Variants in CEP192 observed in about 807,000 individuals in gnomAD.
The protein encoded by CEP192 is centrosomal protein of 192 kDa.
In CEP192, 151 loss-of-function variants were observed where a neutral mutation model predicts 271.8. That is an observed-to-expected ratio of 0.56 (90% CI 0.49 to 0.64). The LOEUF is 0.64. Among genes scored for constraint, CEP192 ranks in the 30% least tolerant of loss-of-function variants. The pLI is 0.00. For missense variants in CEP192, 2,910 were observed against 3,020.5 expected (o/e 0.96, Z 0.86); for synonymous variants, 995 against 1,076.5 (o/e 0.92, Z 1.48).
At chr18:13,018,099 T>C (rs2034766938) in intron 7 of CEP192, among the ~76,000 whole-genome samples, 2 of 152,196 alleles carry the variant, frequency 1.3e-5, no homozygotes, top group Non-Finnish European at 2.9e-5. Context: ...CAAGCAGTGT[T>C]GTGTACTTCT....
intron 17 of CEP192, among the ~76,000 whole-genome samples, chr18:13,052,229 A>G (rs564065448): frequency 2.0e-5 from 3 of 152,308 alleles, no homozygotes; most frequent in Admixed American, 2.0e-4. Flanking sequence ...TTTTCATTTT[A>G]CGTTGTGTAG....
At chr18:13,099,634 C>A in intron 37 of CEP192, 53 bp downstream of exon 37, 2 of 869,738 alleles carry the variant, frequency 2.3e-6, no homozygotes, top group Non-Finnish European at 3.7e-6. Flanking sequence ...CTGTTTGTAG[C>A]TTCAGTTTTA....
At chr18:13,051,875 A>G (rs1247546323) in intron 17 of CEP192, among the ~76,000 whole-genome samples, 1 of 152,222 alleles carries the variant, frequency 6.6e-6, no homozygotes, top group Non-Finnish European at 1.5e-5. Flanking sequence ...CAGAATTCAA[A>G]TTTGAATTTT....
intron 40 of CEP192, 47 bp from the exon 41 acceptor site, chr18:13,113,539 T>C (rs2040300480): frequency 6.3e-7 from 1 of 1,577,938 alleles, no homozygotes; most frequent in Non-Finnish European, 8.7e-7. Flanking sequence ...GCTAACACTG[T>C]GTTTAATGAT....
intron 30 of CEP192, among the ~76,000 whole-genome samples, chr18:13,085,285 A>G (rs2038844960): frequency 6.6e-6 from 1 of 152,028 alleles, no homozygotes; most frequent in South Asian, 2.1e-4. Flanking sequence ...TAGATTCTGG[A>G]TATCAGCCCT....
chr18:13,072,800 A>G lies in CEP192; in HGVS notation c.5394A>G (p.Gln1798=), dbSNP rs1598514804. The change falls in exon 29 of 45, where the codon CAA becomes CAG. Residue 1798 remains glutamine, a synonymous_variant. Transcript: ENST00000506447. The part of the protein sequence containing the change: ...ALRNNSASTT[Q]HLRLLIRGQD... The stretch of plus-strand genomic sequence containing the variant: ...GAAATAATTCTGCATCTACAACTCA[A>G]CATTTACGACTGCTTATTAGAGGAC... 27 of 1,613,110 alleles carry G rather than the reference A, an allele frequency of 1.7e-5. 1 individual carries two copies. In the East Asian group the frequency reaches 6.0e-4, roughly 36 times the overall value.
intron 9 of CEP192, 102 bp downstream of exon 9, chr18:13,019,308 C>G (rs1568289038): frequency 3.0e-6 from 3 of 999,726 alleles, no homozygotes; most frequent in East Asian, 3.1e-5. Context: ...TAACTGTTGA[C>G]TTCTGAAAAA....
intron 19 of CEP192, among the ~76,000 whole-genome samples, chr18:13,057,325 C>T (rs566350511): frequency 3.5e-4 from 53 of 151,214 alleles, no homozygotes; most frequent in African/African-American, 1.2e-3. Context: ...CAGGCAGTAA[C>T]CTCAAAGAAT....
At chr18:13,000,547 A>G (rs72874185) in intron 2 of CEP192, 13,351 of 152,252 alleles carry the variant, frequency 0.088, 698 homozygotes, top group South Asian at 0.19. Flanking sequence ...CTGGACTTGT[A>G]TGGCTGTCTT....
chr18:13,004,124 A>G (rs1328953118), intron 3 of CEP192, among the ~76,000 whole-genome samples: 2 of 152,236 alleles, frequency 1.3e-5, no homozygotes, highest in South Asian at 2.1e-4. Context: ...GGTAACCCCA[A>G]TAAGTAGTTT....
At chr18:13,081,810 G>C (rs1357638529) in intron 30 of CEP192, among the ~76,000 whole-genome samples, 1 of 152,142 alleles carries the variant, frequency 6.6e-6, no homozygotes, top group Non-Finnish European at 1.5e-5. Context: ...TTGTGTCTTT[G>C]TTCTCATTGG....
intron 7 of CEP192, among the ~76,000 whole-genome samples, chr18:13,017,827 T>TA (rs1446185339): frequency 7.9e-5 from 12 of 152,350 alleles, no homozygotes; most frequent in African/African-American, 2.9e-4. Context: ...CCTTTATTCT[T>TA]ACTATTTTTT....
At position 13,015,408 on chromosome 18, in the gene CEP192, T is replaced by C. The variant is rs975172985; in HGVS notation, c.600T>C (p.Asn200=). 5 of 1,551,146 alleles carry C rather than the reference T, an allele frequency of 3.2e-6. No individual in the cohort carries two copies. The highest frequency in any genetic ancestry group is 2.0e-5 in the Admixed American group (1 of 50,940). Residue 200 remains asparagine, a synonymous_variant, in exon 6 of 45, where the codon AAT becomes AAC. Transcript: ENST00000506447. Reference sequence around the variant, plus strand: ...TAAGCCACACTAGCTTATTAGAAAATGAGAAACTTATCTTACCGACAAGCT... The same window carrying C: ...TAAGCCACACTAGCTTATTAGAAAACGAGAAACTTATCTTACCGACAAGCT... ...SDLSHTSLLE[N]EKLILPTSLE...
chr18:13,077,505 A>G (rs1158684714), intron 30 of CEP192, among the ~76,000 whole-genome samples: 1 of 152,242 alleles, frequency 6.6e-6, no homozygotes, highest in African/African-American at 2.4e-5. Context: ...TTCAAAGAGT[A>G]TGGAAAGTTT....
At position 13,049,640 on chromosome 18, in the gene CEP192, T is replaced by C. The variant is rs538070389; in HGVS notation, c.2849T>C (p.Val950Ala). 4.3e-6 allele frequency: 7 copies of C among 1,612,898 alleles called. No homozygotes were observed. In the East Asian group the frequency reaches 1.6e-4, roughly 36 times the overall value. The stretch of plus-strand genomic sequence containing the variant: ...GAAATAAGCAACAGTGAGAAGCATG[T>C]GACTTTTGAAAACCATCGCATAGTC... ...VSEISNSEKH[V>A]TFENHRIVSP... Residue 950 changes from valine to alanine, a missense_variant, in exon 16 of 45, where the codon GTG becomes GCG. Val to Ala is a moderately conservative substitution (Grantham distance 64). Transcript: ENST00000506447.
chr18:13,062,371 G>A (rs1017035518), intron 21 of CEP192, among the ~76,000 whole-genome samples: 2 of 152,150 alleles, frequency 1.3e-5, no homozygotes, highest in African/African-American at 2.4e-5. Flanking sequence ...CTTTCTCAAC[G>A]TGATAAAGCG....
intron 30 of CEP192, among the ~76,000 whole-genome samples, chr18:13,079,987 T>C (rs981341234): frequency 2.6e-5 from 4 of 152,194 alleles, no homozygotes; most frequent in Non-Finnish European, 4.4e-5. Flanking sequence ...TCTGTTCCAC[T>C]GGTCTGTATA....
intron 44 of CEP192, among the ~76,000 whole-genome samples, chr18:13,119,578 C>T (rs2040574781): frequency 6.6e-6 from 1 of 152,092 alleles, no homozygotes. Flanking sequence ...CCCATCTCCA[C>T]TAAAACTGCA....
intron 15 of CEP192, among the ~76,000 whole-genome samples, chr18:13,045,129 CCT>C (rs1186209741): frequency 4.0e-5 from 6 of 151,706 alleles, no homozygotes; most frequent in Non-Finnish European, 8.8e-5. Context: ...GACTGTTTTC[CCT>C]CTCTTTTTCT....
Sources: allele counts gnomAD v4.1 joint callset (sites outside exome capture counted in the v4.1 genomes callset), GRCh38; gene constraint gnomAD v4.1.1; transcripts MANE v1.5; gene names NCBI Gene and HGNC (gene_info 2026-07-23, HGNC 2026-07-21).